Variants in CACNA2D3 observed in about 807,000 individuals in gnomAD.
CACNA2D3 encodes the protein voltage-dependent calcium channel subunit alpha-2/delta-3.
In CACNA2D3, 60 loss-of-function variants were observed where a neutral mutation model predicts 160.6. The observed-to-expected ratio is 0.37, with a 90% CI of 0.30 to 0.46. CACNA2D3 has a LOEUF of 0.46. CACNA2D3 is among the 20% of genes least tolerant of loss of function. The probability of loss-of-function intolerance (pLI) is 1.00; values close to 1 mark genes in which losing one functional copy is unlikely to be tolerated. For synonymous variants in CACNA2D3, 558 were observed against 492.9 expected, an observed-to-expected ratio of 1.13 and a Z score of -1.75; for missense variants, 1,205 against 1,365.0, an observed-to-expected ratio of 0.88 and a Z score of 1.85.
intron 3 of CACNA2D3, among the ~76,000 whole-genome samples, chr3:54,355,474 G>A (rs1363437534): frequency 6.6e-6 from 1 of 152,138 alleles, no homozygotes; most frequent in Admixed American, 6.5e-5. Flanking sequence ...GAGAGGTATG[G>A]TCAGGATATA....
At chr3:54,201,304 T>C (rs78934874) in intron 2 of CACNA2D3, among the ~76,000 whole-genome samples, 4,289 of 152,288 alleles carry the variant, frequency 0.028, 93 homozygotes, top group South Asian at 0.13. Flanking sequence ...CGAAAAGTGC[T>C]GAATATTGAG....
rs528463582 is a variant in CACNA2D3 at position 54,582,603 on chromosome 3, T to C, written c.963+726T>C. On this transcript the variant is annotated intron_variant, in intron 9 of 37. Transcript: ENST00000474759. Reference sequence around the variant, plus strand: ...GAAGGTATAGCTGTGGCTGCAGCCATGTCACAGCTTCTGGGACTCACAGCT... The same window carrying C: ...GAAGGTATAGCTGTGGCTGCAGCCACGTCACAGCTTCTGGGACTCACAGCT... 1.6e-4 allele frequency among the ~76,000 whole-genome samples: 25 copies of C among 152,332 alleles called. No individual in the cohort carries two copies. The East Asian group carries it at 4.6e-3, about 28-fold the overall frequency.
rs550348521 is a variant in CACNA2D3, at chr3:54,740,359, A to T, written c.1168-12240A>T. Among the ~76,000 whole-genome samples the T allele has an allele frequency of 5.3e-5, 8 of 152,238 alleles. No homozygotes were observed. The South Asian group carries it at 1.7e-3, about 32-fold the overall frequency. ...TAATGGTTGCCCCAAATTCTCAGGA[A>T]CATTGACTTGCCTTCCCACCCTATT... On this transcript the variant is annotated intron_variant, in intron 11 of 37. Transcript: ENST00000474759.
intron 13 of CACNA2D3, among the ~76,000 whole-genome samples, chr3:54,769,514 T>C (rs1160998431): frequency 6.6e-6 from 1 of 152,186 alleles, no homozygotes; most frequent in Admixed American, 6.5e-5. Flanking sequence ...ACTCCATATT[T>C]GCTCTGTGAC....
At chr3:54,766,441 G>A (rs916356674) in intron 13 of CACNA2D3, among the ~76,000 whole-genome samples, 1 of 152,108 alleles carries the variant, frequency 6.6e-6, no homozygotes. Flanking sequence ...CCATCAGAGT[G>A]GCAAAAACTA....
intron 4 of CACNA2D3, among the ~76,000 whole-genome samples, chr3:54,477,625 C>T (rs1345596765): frequency 6.6e-6 from 1 of 152,164 alleles, no homozygotes; most frequent in African/African-American, 2.4e-5. Flanking sequence ...TTTCTCTCCA[C>T]CTCCAAGTCT....
chr3:54,220,836 G>A (rs576148964), intron 2 of CACNA2D3, among the ~76,000 whole-genome samples: 1 of 152,344 alleles, frequency 6.6e-6, no homozygotes, highest in African/African-American at 2.4e-5. Flanking sequence ...GTCCAGCACA[G>A]TGCTTGGCCC....
chr3:55,024,967 A>G (rs1703534276), intron 35 of CACNA2D3, among the ~76,000 whole-genome samples: 1 of 152,148 alleles, frequency 6.6e-6, no homozygotes. Flanking sequence ...AATGATTGAG[A>G]TCCTTTTTGA....
chr3:55,052,014 T>C (rs566110950), intron 35 of CACNA2D3, among the ~76,000 whole-genome samples: 1 of 152,258 alleles, frequency 6.6e-6, no homozygotes, highest in South Asian at 2.1e-4. Context: ...TGGCACTCCC[T>C]AGTGAGATGA....
chr3:54,810,163 C>T (rs1703265407), intron 13 of CACNA2D3, among the ~76,000 whole-genome samples: 1 of 152,168 alleles, frequency 6.6e-6, no homozygotes, highest in Non-Finnish European at 1.5e-5. Flanking sequence ...GAAAGAGCCC[C>T]ACAAAGGCTT....
intron 27 of CACNA2D3, among the ~76,000 whole-genome samples, chr3:54,907,473 T>C (rs1474593626): frequency 1.3e-5 from 2 of 152,196 alleles, no homozygotes; most frequent in Non-Finnish European, 2.9e-5. Context: ...GAAATAAGTT[T>C]TTATGTATAT....
At chr3:54,347,948 C>T (rs1389880744) in intron 3 of CACNA2D3, among the ~76,000 whole-genome samples, 1 of 152,094 alleles carries the variant, frequency 6.6e-6, no homozygotes, top group Non-Finnish European at 1.5e-5. Context: ...TTGTATAGGG[C>T]TATATGCTTT....
intron 4 of CACNA2D3, among the ~76,000 whole-genome samples, chr3:54,437,893 G>C (rs1309796621): frequency 1.3e-5 from 2 of 152,212 alleles, no homozygotes; most frequent in African/African-American, 2.4e-5. Context: ...AGTGTTTGCA[G>C]TTGGTGCACT....
intron 17 of CACNA2D3, among the ~76,000 whole-genome samples, chr3:54,859,327 C>T (rs2106796954): frequency 6.6e-6 from 1 of 152,352 alleles, no homozygotes; most frequent in South Asian, 2.1e-4. Context: ...GAATGTGCTC[C>T]AACCGTGACA....
intron 35 of CACNA2D3, among the ~76,000 whole-genome samples, chr3:55,032,936 T>C (rs973114267): frequency 5.1e-4 from 1 of 1,944 alleles, no homozygotes; most frequent in African/African-American, 1.4e-3. Context: ...TAAAGTGTGA[T>C]GGGGGGTGGG....
At chr3:54,523,603 A>G (rs1701680691) in intron 5 of CACNA2D3, among the ~76,000 whole-genome samples, 1 of 152,114 alleles carries the variant, frequency 6.6e-6, no homozygotes. Context: ...AAGAATTGGT[A>G]TTCTTTAAAT....
intron 2 of CACNA2D3, among the ~76,000 whole-genome samples, chr3:54,205,108 G>C (rs1701251407): frequency 6.6e-6 from 1 of 152,202 alleles, no homozygotes; most frequent in African/African-American, 2.4e-5. Context: ...CCAGGAGATT[G>C]ATCTAGGTGG....
At chr3:54,373,270 GA>G (rs1240068234) in intron 3 of CACNA2D3, among the ~76,000 whole-genome samples, 4 of 152,148 alleles carry the variant, frequency 2.6e-5, no homozygotes, top group Non-Finnish European at 5.9e-5. Flanking sequence ...ATTTCATTTG[GA>G]ATAAGCTTCA....
At chr3:54,542,510 T>G (rs1032236187) in intron 5 of CACNA2D3, among the ~76,000 whole-genome samples, 3 of 152,132 alleles carry the variant, frequency 2.0e-5, no homozygotes, top group Admixed American at 2.0e-4. Flanking sequence ...AGTGCAGTCT[T>G]CAGTCTGTAG....
Sources: gnomAD v4.1 joint callset for allele counts (sites outside exome capture counted in the v4.1 genomes callset) on GRCh38, gnomAD v4.1.1 for gene constraint, MANE v1.5 for transcripts, NCBI Gene and HGNC (gene_info 2026-07-23, HGNC 2026-07-21) for gene names.